TULP4: variants seen among roughly 807,000 people sequenced by gnomAD.
TULP4 encodes TUB like protein 4.
A neutral mutation model predicts 129.0 loss-of-function variants in TULP4; 16 were observed. The observed-to-expected ratio is 0.12, with a 90% CI of 0.08 to 0.19. The LOEUF is 0.19. Among genes scored for constraint, TULP4 ranks in the 10% least tolerant of loss-of-function variants. TULP4 has a pLI of 1.00. For synonymous variants in TULP4, 998 were observed against 854.0 expected, an observed-to-expected ratio of 1.17 and a Z score of -2.94; for missense variants, 1,842 against 2,059.1, an observed-to-expected ratio of 0.89 and a Z score of 2.04.
chr6:158,501,681 C>T lies in TULP4; in HGVS notation c.2018C>T (p.Thr673Ile), dbSNP rs770577376. The change falls in exon 13 of 14, where the codon ACA (threonine) becomes ATA (isoleucine). Residue 673 changes from threonine to isoleucine, a missense_variant. By Grantham distance (89) the Thr-to-Ile change is moderately conservative. Around this residue, in one of 5 missense-constraint regions of TULP4, gnomAD observed 99 missense variants for 165.1 expected, o/e 0.60. Transcript: ENST00000367097. The part of the protein sequence containing the change: ...FSEDEDDLPV[T>I]GASGVPENSP... Reference sequence around the variant, plus strand: ...CCTTTTTCTAATTTTCTTCCAGTGACAGGAGCATCTGGTGTCCCTGAGAAC... The same window carrying T: ...CCTTTTTCTAATTTTCTTCCAGTGATAGGAGCATCTGGTGTCCCTGAGAAC... 6.2e-7 allele frequency: 1 copy of T among 1,602,494 alleles called. No individual in the cohort carries two copies. Among genetic ancestry groups the T allele is most frequent in the South Asian group, 1.1e-5 (1 of 90,674 alleles).
rs1343220278 is a variant in TULP4, at chr6:158,479,989, C to T, written c.1251+14C>T. ...CCCACCATCAAGGTAAAGCCCTCCA[C>T]CCCTCCCTCTTCCTCCTCCCTCACC... is the stretch of plus-strand genomic sequence containing the variant. On this transcript the variant is annotated intron_variant, in intron 7 of 13. Transcript: ENST00000367097. 1.9e-6 allele frequency: 3 copies of T among 1,573,366 alleles called. No homozygotes were observed. The highest frequency in any genetic ancestry group is 4.5e-5 in the East Asian group (2 of 44,464).
chr6:158,268,035 CTTTTTTT>C (rs773811376), intron 1 of TULP4, among the ~76,000 whole-genome samples: 80 of 72,770 alleles, frequency 1.1e-3, no homozygotes, highest in African/African-American at 3.1e-3. Flanking sequence ...TTTCTTTTTT[CTTTTTTT>C]TTTTTTTTTT....
intron 1 of TULP4, among the ~76,000 whole-genome samples, chr6:158,269,924 G>A (rs181256143): frequency 6.6e-6 from 1 of 152,160 alleles, no homozygotes; most frequent in South Asian, 2.1e-4. Context: ...GTCTTCACAG[G>A]GTTGCTCCCT....
At chr6:158,474,096 T>C (rs982026280) in intron 6 of TULP4, among the ~76,000 whole-genome samples, 2 of 152,236 alleles carry the variant, frequency 1.3e-5, no homozygotes, top group African/African-American at 4.8e-5. Flanking sequence ...GCTGGGATTA[T>C]AGGCATGAGC....
intron 1 of TULP4, among the ~76,000 whole-genome samples, chr6:158,234,790 G>A (rs533591219): frequency 6.6e-6 from 1 of 152,140 alleles, no homozygotes; most frequent in Non-Finnish European, 1.5e-5. Flanking sequence ...GTTTTAATTT[G>A]GCTGAGATAA....
chr6:158,424,637 G>C (rs1268373353), intron 2 of TULP4, among the ~76,000 whole-genome samples: 2 of 152,064 alleles, frequency 1.3e-5, no homozygotes, highest in Admixed American at 1.3e-4. Flanking sequence ...TATTATTTAG[G>C]GGTAATGACA....
intron 1 of TULP4, among the ~76,000 whole-genome samples, chr6:158,381,989 C>A (rs1018986882): frequency 1.3e-5 from 2 of 152,096 alleles, no homozygotes; most frequent in African/African-American, 4.8e-5. Flanking sequence ...AGGGAGGGAA[C>A]ATGCTGTTTT....
chr6:158,260,789 G>A (rs1313034006), intron 1 of TULP4, among the ~76,000 whole-genome samples: 2 of 150,762 alleles, frequency 1.3e-5, no homozygotes, highest in Non-Finnish European at 3.0e-5. Context: ...TGTCATCGAC[G>A]CCTGGGGAAA....
rs577268115 is a variant in TULP4, at chr6:158,463,842, TATAAC to T, written c.1026+2118_1026+2122del. Among the ~76,000 whole-genome samples, 348 of 152,132 alleles carry T rather than the reference TATAAC, an allele frequency of 2.3e-3. 1 individual carries two copies. Among genetic ancestry groups the T allele is most frequent in the African/African-American group, 7.7e-3 (318 of 41,516 alleles). ...CTTCTTTTAATTGTGGTAAAACACA[TATAAC>T]ATAAAATTTATCGTCTTAACCATTT... On this transcript the variant is annotated intron_variant, in intron 6 of 13. Transcript: ENST00000367097.
intron 7 of TULP4, 133 bp from the exon 8 acceptor site, chr6:158,480,922 C>T: frequency 1.4e-6 from 1 of 728,496 alleles, no homozygotes; most frequent in South Asian, 2.0e-5. Context: ...TTACCCTCTT[C>T]CCCAGGCCCC....
At chr6:158,314,310 G>A (rs778732125) in intron 1 of TULP4, 42 bp downstream of exon 1, 1 of 1,595,498 alleles carries the variant, frequency 6.3e-7, no homozygotes, top group South Asian at 1.1e-5. Context: ...ACTTCCAGTG[G>A]TGTTTTTGAG....
chr6:158,405,404 C>T (rs914821034), intron 1 of TULP4, among the ~76,000 whole-genome samples: 7 of 151,724 alleles, frequency 4.6e-5, no homozygotes, highest in Admixed American at 2.6e-4. Flanking sequence ...GTAGAGGCTG[C>T]GAAGGCCCCG....
At chr6:158,311,939 T>C, upstream of TULP4, 1 of 392,674 alleles carries the variant, frequency 2.5e-6, no homozygotes, top group Non-Finnish European at 4.5e-6. Context: ...CTCCATTTGA[T>C]GTAAGTGTAA....
At chr6:158,408,856 G>A (rs1351061082) in intron 1 of TULP4, among the ~76,000 whole-genome samples, 6 of 152,210 alleles carry the variant, frequency 3.9e-5, no homozygotes, top group African/African-American at 1.2e-4. Flanking sequence ...TGTTTTTCTT[G>A]CACAATTGTA....
intron 7 of TULP4, among the ~76,000 whole-genome samples, chr6:158,480,272 A>T (rs925579798): frequency 6.6e-6 from 1 of 151,246 alleles, no homozygotes; most frequent in South Asian, 2.1e-4. Context: ...CCTATATACT[A>T]AGCATTGCAC....
intron 8 of TULP4, among the ~76,000 whole-genome samples, chr6:158,486,213 A>G (rs1411522037): frequency 6.6e-6 from 1 of 152,060 alleles, no homozygotes; most frequent in African/African-American, 2.4e-5. Context: ...TAGGACTTAC[A>G]GGGGGGAGTT....
intron 5 of TULP4, among the ~76,000 whole-genome samples, chr6:158,458,422 T>A (rs1004473585): frequency 2.0e-5 from 3 of 152,136 alleles, no homozygotes; most frequent in African/African-American, 7.2e-5. Context: ...AGTACGGACC[T>A]CTTGTGTGCT....
In TULP4 at chr6:158,461,569, T is replaced by C; in HGVS notation, c.866T>C (p.Val289Ala). 6.2e-7 allele frequency: 1 copy of C among 1,613,124 alleles called. No individual in the cohort carries two copies. Among genetic ancestry groups the C allele is most frequent in the Non-Finnish European group, 8.5e-7 (1 of 1,179,652 alleles). The stretch of plus-strand genomic sequence containing the variant: ...CCTCTCTCCTCTGTTTCAGAGGTGG[T>C]AGCCCAGTGGTGCACACAGGGGGAC... Reference protein sequence around the residue: ...TVIRSGLKEVVAQWCTQGDLL... With the variant: ...TVIRSGLKEVAAQWCTQGDLL... Residue 289 changes from valine to alanine, a missense_variant, in exon 6 of 14, where the codon GTA becomes GCA. Physicochemically the swap from Val to Ala is moderately conservative, Grantham distance 64 (BLOSUM62 0). Transcript: ENST00000367097.
intron 4 of TULP4, among the ~76,000 whole-genome samples, chr6:158,450,709 T>C: frequency 6.6e-6 from 1 of 151,792 alleles, no homozygotes. Flanking sequence ...GAACTCCTCT[T>C]TAGTGGGTCA....
Sources: allele counts gnomAD v4.1 joint callset (sites outside exome capture counted in the v4.1 genomes callset), GRCh38; gene constraint gnomAD v4.1.1; regional missense constraint gnomAD v4.1.1; transcripts MANE v1.5; gene names NCBI Gene and HGNC (gene_info 2026-07-23, HGNC 2026-07-21).